SLC24A2: variants seen among roughly 807,000 people sequenced by gnomAD.
The protein encoded by SLC24A2 is sodium/potassium/calcium exchanger 2.
SLC24A2 carries 36 observed loss-of-function variants against 62.0 expected under a neutral mutation model. That is an observed-to-expected ratio of 0.58 (90% CI 0.44 to 0.77). The LOEUF is 0.77. Among genes scored for constraint, SLC24A2 ranks in the 30% least tolerant of loss-of-function variants. The pLI, the probability that SLC24A2 is intolerant of heterozygous loss-of-function variation, is 0.00. For synonymous variants in SLC24A2, 358 were observed against 294.0 expected, an observed-to-expected ratio of 1.22 and a Z score of -2.23; for missense variants, 846 against 817.9, an observed-to-expected ratio of 1.03 and a Z score of -0.42.
chr9:19,879,917 A>C, the SLC24A2 span, among the ~76,000 whole-genome samples: 2 of 152,164 alleles, frequency 1.3e-5, no homozygotes, highest in African/African-American at 4.8e-5. Context: ...TGCCCTTTCT[A>C]CAGTCCCTCT....
the SLC24A2 span, among the ~76,000 whole-genome samples, chr9:19,799,946 C>T: frequency 6.6e-6 from 1 of 152,178 alleles, no homozygotes; most frequent in Admixed American, 6.6e-5. Flanking sequence ...ATGGTTAAGG[C>T]TCCAGGGGAG....
At chr9:20,018,340 T>A in the SLC24A2 span, among the ~76,000 whole-genome samples, 1 of 152,212 alleles carries the variant, frequency 6.6e-6, no homozygotes. Flanking sequence ...ATCTCAATCT[T>A]TCTTCCTCTA....
intron 6 of SLC24A2, among the ~76,000 whole-genome samples, chr9:19,576,051 C>T (rs760261746): frequency 3.9e-5 from 6 of 152,070 alleles, no homozygotes; most frequent in Non-Finnish European, 7.4e-5. Flanking sequence ...TTTTTCTTTT[C>T]GTATCTAATT....
chr9:19,766,239 A>T (rs764518481), intron 2 of SLC24A2, among the ~76,000 whole-genome samples: 13 of 152,124 alleles, frequency 8.5e-5, no homozygotes, highest in Non-Finnish European at 1.5e-4. Flanking sequence ...ATTGGGCTAG[A>T]ATATGTTCCT....
intron 9 of SLC24A2, among the ~76,000 whole-genome samples, chr9:19,526,493 T>C (rs1452168901): frequency 6.6e-6 from 1 of 152,216 alleles, no homozygotes; most frequent in Non-Finnish European, 1.5e-5. Flanking sequence ...CTAATTTCTA[T>C]ACATCCTCAT....
At chr9:19,576,363 T>C (rs1836010684) in intron 6 of SLC24A2, among the ~76,000 whole-genome samples, 2 of 152,206 alleles carry the variant, frequency 1.3e-5, no homozygotes, top group South Asian at 4.1e-4. Context: ...ACAGGAGCTC[T>C]GCAAAAGTCA....
chr9:20,025,308 A>T, the SLC24A2 span, among the ~76,000 whole-genome samples: 1 of 152,220 alleles, frequency 6.6e-6, no homozygotes, highest in South Asian at 2.1e-4. Flanking sequence ...TTGGTCACTC[A>T]GTAAGTATTT....
the SLC24A2 span, among the ~76,000 whole-genome samples, chr9:20,046,255 C>T: frequency 6.6e-6 from 1 of 152,210 alleles, no homozygotes; most frequent in African/African-American, 2.4e-5. Context: ...GGCTTGTCAG[C>T]ATCCATCTTC....
chr9:20,163,616 A>G, the SLC24A2 span, among the ~76,000 whole-genome samples: 1 of 152,184 alleles, frequency 6.6e-6, no homozygotes, highest in Non-Finnish European at 1.5e-5. Context: ...TTCTTCACAG[A>G]ATTGGAAAAA....
the SLC24A2 span, among the ~76,000 whole-genome samples, chr9:20,142,652 A>G: frequency 6.6e-6 from 1 of 152,028 alleles, no homozygotes. Flanking sequence ...GATGAAGTGC[A>G]GTGGCACAAT....
chr9:19,944,731 A>G, the SLC24A2 span, among the ~76,000 whole-genome samples: 2 of 149,020 alleles, frequency 1.3e-5, no homozygotes, highest in Non-Finnish European at 1.5e-5. Flanking sequence ...TATAATGCGC[A>G]TGCAGGTGCC....
At chr9:20,170,010 T>G in the SLC24A2 span, among the ~76,000 whole-genome samples, 1 of 151,806 alleles carries the variant, frequency 6.6e-6, no homozygotes, top group African/African-American at 2.4e-5. Flanking sequence ...CAGGAAACAA[T>G]TGGCACACTT....
the SLC24A2 span, among the ~76,000 whole-genome samples, chr9:19,827,337 T>G: frequency 6.6e-6 from 1 of 152,132 alleles, no homozygotes; most frequent in Non-Finnish European, 1.5e-5. Context: ...GCAAGATGAC[T>G]TGGATGAATA....
the SLC24A2 span, among the ~76,000 whole-genome samples, chr9:20,187,094 C>A: frequency 2.0e-5 from 3 of 152,150 alleles, no homozygotes; most frequent in South Asian, 6.2e-4. Context: ...GCCAGCAGAG[C>A]TGGTCCTATT....
the SLC24A2 span, among the ~76,000 whole-genome samples, chr9:20,135,109 G>A: frequency 6.6e-6 from 1 of 152,090 alleles, no homozygotes; most frequent in Non-Finnish European, 1.5e-5. Context: ...CAAGGGATAA[G>A]ACTCAAATCC....
At chr9:19,698,975 A>G (rs1564047586) in intron 2 of SLC24A2, among the ~76,000 whole-genome samples, 1 of 152,202 alleles carries the variant, frequency 6.6e-6, no homozygotes, top group African/African-American at 2.4e-5. Context: ...ATCAGAATAT[A>G]TGGTCTATTG....
At chr9:19,988,700 G>C in the SLC24A2 span, among the ~76,000 whole-genome samples, 1 of 152,126 alleles carries the variant, frequency 6.6e-6, no homozygotes, top group Non-Finnish European at 1.5e-5. Context: ...TCTCACAGAG[G>C]TGGTTCTGCT....
chr9:20,195,275 T>C, the SLC24A2 span, among the ~76,000 whole-genome samples: 10 of 152,124 alleles, frequency 6.6e-5, no homozygotes, highest in African/African-American at 2.4e-4. Context: ...CTATTATTTA[T>C]ACACACATTT....
At chr9:19,905,562 C>G in the SLC24A2 span, among the ~76,000 whole-genome samples, 2 of 151,874 alleles carry the variant, frequency 1.3e-5, no homozygotes, top group African/African-American at 2.4e-5. Context: ...TACAGGCATG[C>G]GCTACCACAC....
Sources: gnomAD v4.1 joint callset for allele counts (sites outside exome capture counted in the v4.1 genomes callset) on GRCh38, gnomAD v4.1.1 for gene constraint, MANE v1.5 for transcripts, NCBI Gene and HGNC (gene_info 2026-07-23, HGNC 2026-07-21) for gene names.